The following NREP variants were observed in gnomAD, a reference collection of about 807,000 sequenced individuals.
NREP encodes the protein neuronal regeneration related protein, also known as neuronal regeneration-related protein.
Under a neutral mutation model 8.6 loss-of-function variants are expected in NREP, and 5 were observed. The observed-to-expected ratio is 0.58, with a 90% CI of 0.30 to 1.22. The LOEUF (loss-of-function observed/expected upper bound fraction) is 1.22. Among genes scored for constraint, NREP ranks in the 50% most tolerant of loss-of-function variants. NREP has a pLI of 0.07. For synonymous variants in NREP, 27 were observed against 28.0 expected (o/e 0.96, Z 0.11); for missense variants, 86 against 82.5 (o/e 1.04, Z -0.17).
chr5:111,796,718 A>G (rs1751881103), intron 2 of NREP, among the ~76,000 whole-genome samples: 1 of 152,216 alleles, frequency 6.6e-6, no homozygotes, highest in African/African-American at 2.4e-5. Flanking sequence ...GACTTAGTCA[A>G]TCAAACACTG....
chr5:111,805,598 A>G (rs1218923304), intron 2 of NREP, among the ~76,000 whole-genome samples: 1 of 152,260 alleles, frequency 6.6e-6, no homozygotes, highest in Non-Finnish European at 1.5e-5. Context: ...ACGTATGTAC[A>G]TATATATGTG....
intron 2 of NREP, among the ~76,000 whole-genome samples, chr5:111,848,908 A>C (rs1329064354): frequency 2.0e-5 from 3 of 152,100 alleles, no homozygotes; most frequent in Non-Finnish European, 4.4e-5. Context: ...TGCTTCAATA[A>C]ATGATAGCTT....
At chr5:111,870,289 C>A (rs914578307) in intron 2 of NREP, among the ~76,000 whole-genome samples, 2 of 151,990 alleles carry the variant, frequency 1.3e-5, no homozygotes, top group Non-Finnish European at 1.5e-5. Context: ...ATCAGCCAGG[C>A]GTGGTGGCAC....
At chr5:111,913,206 T>C (rs887169503) in intron 2 of NREP, among the ~76,000 whole-genome samples, 1 of 152,124 alleles carries the variant, frequency 6.6e-6, no homozygotes, top group African/African-American at 2.4e-5. Context: ...AGGAAATGAA[T>C]AGGAGTCATG....
chr5:111,874,632 C>T (rs1753863863), intron 2 of NREP, among the ~76,000 whole-genome samples: 3 of 152,102 alleles, frequency 2.0e-5, no homozygotes. Context: ...GAGCCGGAAA[C>T]CTTAGGATTG....
intron 2 of NREP, among the ~76,000 whole-genome samples, chr5:111,805,285 T>C (rs1752114721): frequency 6.6e-6 from 1 of 152,202 alleles, no homozygotes; most frequent in South Asian, 2.1e-4. Flanking sequence ...TCACAGACAT[T>C]TATTCTTCAA....
At chr5:111,875,864 C>CA (rs1230287929) in intron 2 of NREP, among the ~76,000 whole-genome samples, 1 of 151,950 alleles carries the variant, frequency 6.6e-6, no homozygotes, top group East Asian at 1.9e-4. Context: ...ATTTAATAGG[C>CA]AAAAAAAGAG....
chr5:111,884,373 A>G (rs1331041260), intron 2 of NREP, among the ~76,000 whole-genome samples: 29 of 151,932 alleles, frequency 1.9e-4, no homozygotes. Flanking sequence ...AGATGGATTC[A>G]CAGCCGGATT....
chr5:111,768,181 G>A (rs1751130802), intron 2 of NREP, among the ~76,000 whole-genome samples: 1 of 152,166 alleles, frequency 6.6e-6, no homozygotes, highest in African/African-American at 2.4e-5. Flanking sequence ...CTCTCTGTCT[G>A]TGAGGTAGAA....
chr5:111,816,978 A>G (rs1455576075), intron 2 of NREP, among the ~76,000 whole-genome samples: 2 of 152,242 alleles, frequency 1.3e-5, no homozygotes, highest in East Asian at 1.9e-4. Context: ...TGACAAAATT[A>G]TAATAGGAAT....
At chr5:111,918,940 A>T (rs1397832185) in intron 2 of NREP, among the ~76,000 whole-genome samples, 3 of 152,166 alleles carry the variant, frequency 2.0e-5, no homozygotes, top group Non-Finnish European at 4.4e-5. Context: ...CAGAGTGAAC[A>T]GGCAACCTAA....
intron 2 of NREP, among the ~76,000 whole-genome samples, chr5:111,776,389 T>C (rs994786759): frequency 6.6e-6 from 1 of 152,154 alleles, no homozygotes; most frequent in South Asian, 2.1e-4. Context: ...AATTGGAACA[T>C]CTATTTTGGA....
chr5:111,964,873 A>T (rs13153806), intron 2 of NREP, among the ~76,000 whole-genome samples: 23,251 of 102,150 alleles, frequency 0.23, 1,638 homozygotes, highest in Non-Finnish European at 0.28. Context: ...AAAAAAAAAA[A>T]AAAAAAAAAA....
chr5:111,820,576 T>G (rs1752493404), intron 2 of NREP, among the ~76,000 whole-genome samples: 1 of 152,162 alleles, frequency 6.6e-6, no homozygotes, highest in African/African-American at 2.4e-5. Flanking sequence ...GCTGATTTTT[T>G]TTTTTAATTG....
chr5:111,965,433 A>C (rs1003778502), intron 2 of NREP, among the ~76,000 whole-genome samples: 1 of 152,216 alleles, frequency 6.6e-6, no homozygotes, highest in Admixed American at 6.5e-5. Context: ...CTGTCATTAA[A>C]TATGATGATG....
At chr5:111,964,524 G>T (rs1046452433) in intron 2 of NREP, among the ~76,000 whole-genome samples, 1 of 151,978 alleles carries the variant, frequency 6.6e-6, no homozygotes, top group Non-Finnish European at 1.5e-5. Context: ...GTGCCACCAT[G>T]CCTGGCTAAA....
chr5:111,898,364 G>A (rs1000854801), intron 2 of NREP, among the ~76,000 whole-genome samples: 7 of 152,276 alleles, frequency 4.6e-5, no homozygotes, highest in African/African-American at 1.7e-4. Context: ...ATTTTCTTAC[G>A]TATTGGCTGA....
At chr5:111,808,927 T>C (rs914437371) in intron 2 of NREP, among the ~76,000 whole-genome samples, 2 of 152,186 alleles carry the variant, frequency 1.3e-5, no homozygotes, top group Non-Finnish European at 2.9e-5. Flanking sequence ...ATTTGTTGAG[T>C]GACTAGCATT....
rs115183594 is a variant in NREP at position 111,776,217 on chromosome 5, T to C, written c.136-40710A>G. Among the ~76,000 whole-genome samples the C allele has an allele frequency of 2.6e-3, 403 of 152,268 alleles. 1 individual carries two copies. Among genetic ancestry groups the C allele is most frequent in the African/African-American group, 9.5e-3 (393 of 41,568 alleles). On this transcript the variant is annotated intron_variant, in intron 2 of 3. Coordinates refer to the NREP transcript ENST00000395634. ...ATAATTTTTCCTCTAGATAAACTTG[T>C]ATATGTGCAAGATAATTTATGTCAA... is the stretch of plus-strand genomic sequence containing the variant.
Sources: gnomAD v4.1 joint callset for allele counts (sites outside exome capture counted in the v4.1 genomes callset) on GRCh38, gnomAD v4.1.1 for gene constraint, MANE v1.5 for transcripts, NCBI Gene and HGNC (gene_info 2026-07-23, HGNC 2026-07-21) for gene names.